ZFHX3: variants seen among roughly 807,000 people sequenced by gnomAD.
ZFHX3 encodes the protein zinc finger homeobox protein 3.
A neutral mutation model predicts 279.1 loss-of-function variants in ZFHX3; 42 were observed. That is an observed-to-expected ratio of 0.15 (90% CI 0.12 to 0.19). The LOEUF is 0.19. Ranked by LOEUF, ZFHX3 falls within the 10% of genes least tolerant of loss-of-function variation. The pLI, the probability that ZFHX3 is intolerant of heterozygous loss-of-function variation, is 1.00. For missense variants in ZFHX3, 4,981 were observed against 4,754.0 expected (o/e 1.05, Z -1.40); for synonymous variants, 2,293 against 1,957.8 (o/e 1.17, Z -4.52).
intron 3 of ZFHX3, among the ~76,000 whole-genome samples, chr16:73,353,091 G>A (rs2016277333): frequency 6.6e-6 from 1 of 152,164 alleles, no homozygotes; most frequent in Non-Finnish European, 1.5e-5. Flanking sequence ...ATTCATGGTG[G>A]CAGTGACCAT....
chr16:72,794,786 C>T lies in ZFHX3; in HGVS notation c.7896G>A (p.Gly2632=), dbSNP rs1459205492. The stretch of plus-strand genomic sequence containing the variant: ...CTCTCTGAGGCTCTTCTCCTCCTGT[C>T]CCACTGTCGTTTTCGCCAGGGCTTG... ...ASASPGENDS[G]TGGEEPQRDK... Residue 2632 remains glycine, a synonymous_variant, in exon 9 of 10, where the codon GGG becomes GGA. Transcript: ENST00000268489. The surrounding 1 kb of genome is among the most constrained non-coding windows in gnomAD (Gnocchi z 4.2). 3 of 1,614,066 alleles carry T rather than the reference C, an allele frequency of 1.9e-6. No homozygotes were observed. Among genetic ancestry groups the T allele is most frequent in the Non-Finnish European group, 1.7e-6 (2 of 1,180,050 alleles).
chr16:73,060,269 G>A (rs572403571), upstream of ZFHX3: 3 of 149,456 alleles, frequency 2.0e-5, no homozygotes, highest in South Asian at 6.4e-4. Flanking sequence ...CAAGAGTTTG[G>A]AGCACAGTCA....
chr16:73,449,636 C>A (rs1003064794), intron 3 of ZFHX3, among the ~76,000 whole-genome samples: 1 of 151,998 alleles, frequency 6.6e-6, no homozygotes, highest in Non-Finnish European at 1.5e-5. Context: ...TAAAATATGA[C>A]AAAATGAATG....
chr16:73,699,577 A>T (rs2053228571), intron 1 of ZFHX3, among the ~76,000 whole-genome samples: 2 of 152,232 alleles, frequency 1.3e-5, no homozygotes, highest in Admixed American at 1.3e-4. Flanking sequence ...TATTTAAGAA[A>T]ACAAACACAC....
At chr16:72,965,386 ATTTGCTTGG>A (rs1430152212) in intron 1 of ZFHX3, among the ~76,000 whole-genome samples, 1 of 152,108 alleles carries the variant, frequency 6.6e-6, no homozygotes, top group Non-Finnish European at 1.5e-5. Flanking sequence ...AAGCAGACTG[ATTTGCTTGG>A]ATATCTTTAG....
At chr16:72,993,933 C>G (rs1175579765) in intron 1 of ZFHX3, among the ~76,000 whole-genome samples, 1 of 152,150 alleles carries the variant, frequency 6.6e-6, no homozygotes, top group Admixed American at 6.5e-5. Context: ...ACCAGGGTAG[C>G]AGCAGCCGAG....
Position 73,074,135 on chromosome 16 carries a change from G to C in ZFHX3, c.-532-15123C>G, listed in dbSNP as rs148963909. Among the ~76,000 whole-genome samples the C allele has an allele frequency of 3.0e-3, 459 of 152,330 alleles. 4 individuals carry two copies. Among genetic ancestry groups the C allele is most frequent in the African/African-American group, 0.011 (450 of 41,586 alleles). Reference sequence around the variant, plus strand: ...TCATACAAAGCAACCAACCCAGTAGGATTATATGACCTTTATTGTGGCATC... The same window carrying C: ...TCATACAAAGCAACCAACCCAGTAGCATTATATGACCTTTATTGTGGCATC... On this transcript the variant is annotated intron_variant, in intron 8 of 17. Coordinates refer to the ZFHX3 transcript ENST00000641206.
chr16:73,572,974 G>A (rs1022628409), intron 2 of ZFHX3, among the ~76,000 whole-genome samples: 3 of 152,168 alleles, frequency 2.0e-5, no homozygotes, highest in South Asian at 2.1e-4. Flanking sequence ...CCACAAGACC[G>A]CTCTACAATT....
intron 2 of ZFHX3, among the ~76,000 whole-genome samples, chr16:73,625,438 T>A (rs1461393021): frequency 6.6e-6 from 1 of 152,236 alleles, no homozygotes; most frequent in Non-Finnish European, 1.5e-5. Flanking sequence ...TCTGGGTGCC[T>A]TTCTCAATTG....
At chr16:72,804,773 G>A (rs1467709614) in intron 7 of ZFHX3, among the ~76,000 whole-genome samples, 1 of 152,056 alleles carries the variant, frequency 6.6e-6, no homozygotes, top group Non-Finnish European at 1.5e-5. Flanking sequence ...ACACCATCCT[G>A]CCACTTACGC....
At chr16:73,150,365 T>G (rs1025795240) in intron 5 of ZFHX3, among the ~76,000 whole-genome samples, 10 of 152,016 alleles carry the variant, frequency 6.6e-5, no homozygotes, top group African/African-American at 2.4e-4. Flanking sequence ...CAAGTCCTGC[T>G]CCTGCCCCTT....
intron 2 of ZFHX3, among the ~76,000 whole-genome samples, chr16:73,592,004 G>C (rs181405021): frequency 1.3e-5 from 2 of 152,092 alleles, no homozygotes; most frequent in African/African-American, 4.8e-5. Flanking sequence ...GGCTGAGGTG[G>C]GGAGATCACC....
chr16:73,719,986 C>A (rs2053458747), intron 1 of ZFHX3, among the ~76,000 whole-genome samples: 1 of 152,174 alleles, frequency 6.6e-6, no homozygotes, highest in African/African-American at 2.4e-5. Flanking sequence ...TACCTACAAG[C>A]CATGTAATAA....
At position 73,092,581 on chromosome 16, in the gene ZFHX3, A is replaced by G. The variant is rs182454455; in HGVS notation, c.-533+654T>C. ...CCACACAAGGTTTGCTGGGCTGGCT[A>G]TGAACTGTTCCAGTACGTTCCATCA... On this transcript the variant is annotated intron_variant, in intron 8 of 17. Coordinates refer to the ZFHX3 transcript ENST00000641206. The G allele has an allele frequency of 7.0e-5, 13 of 185,370 alleles. No homozygotes were observed. In the Admixed American group the frequency reaches 7.1e-4, roughly 10 times the overall value. The allele number at this position is 185,370 out of a possible 1,614,324, so 11.5% of individuals were successfully genotyped here. A position where few individuals can be genotyped will look rare whatever the true frequency, so the allele number is the denominator to read the frequency against.
intron 4 of ZFHX3, among the ~76,000 whole-genome samples, chr16:73,263,445 T>C (rs182586671): frequency 6.6e-6 from 1 of 152,198 alleles, no homozygotes; most frequent in Non-Finnish European, 1.5e-5. Context: ...TGCCTCGGCC[T>C]CCCAGACTGT....
intron 1 of ZFHX3, among the ~76,000 whole-genome samples, chr16:73,784,816 T>TACACACAC (rs58711157): frequency 1.3e-3 from 175 of 135,524 alleles, no homozygotes; most frequent in African/African-American, 4.7e-3. Flanking sequence ...TATATATATA[T>TACACACAC]ACACACACAC....
intron 4 of ZFHX3, among the ~76,000 whole-genome samples, chr16:73,284,615 A>G (rs1212224586): frequency 1.3e-5 from 2 of 152,132 alleles, no homozygotes; most frequent in East Asian, 1.9e-4. Flanking sequence ...TCTTACGAGA[A>G]TATCATGAAA....
chr16:73,755,187 A>T (rs2053797210), intron 1 of ZFHX3, among the ~76,000 whole-genome samples: 1 of 152,148 alleles, frequency 6.6e-6, no homozygotes, highest in Admixed American at 6.5e-5. Flanking sequence ...TTAATCTCTA[A>T]CATCTCCTTT....
At chr16:73,387,974 G>A (rs917829062) in intron 3 of ZFHX3, among the ~76,000 whole-genome samples, 2 of 152,022 alleles carry the variant, frequency 1.3e-5, no homozygotes, top group African/African-American at 4.8e-5. Flanking sequence ...TGGAGAGAAT[G>A]AGTGAGAGAG....
Sources: allele counts gnomAD v4.1 joint callset (sites outside exome capture counted in the v4.1 genomes callset), GRCh38; gene constraint gnomAD v4.1.1; non-coding constraint Gnocchi (gnomAD v3.1); transcripts MANE v1.5; gene names NCBI Gene and HGNC (gene_info 2026-07-23, HGNC 2026-07-21).